Variants in SLCO2A1 observed in about 807,000 individuals in gnomAD.
SLCO2A1 encodes the protein matrin F/G 1.
SLCO2A1 carries 60 observed loss-of-function variants against 71.7 expected under a neutral mutation model. The observed-to-expected ratio is 0.84, with a 90% CI of 0.68 to 1.04. The LOEUF is 1.04. Among genes scored for constraint, SLCO2A1 ranks in the 50% least tolerant of loss-of-function variants. The pLI, the probability that SLCO2A1 is intolerant of heterozygous loss-of-function variation, is 0.00. For missense variants in SLCO2A1, 745 were observed against 813.4 expected (o/e 0.92, Z 1.02); for synonymous variants, 308 against 326.7 (o/e 0.94, Z 0.62).
chr3:133,999,207 A>G (rs1315267208), intron 1 of SLCO2A1, among the ~76,000 whole-genome samples: 2 of 152,186 alleles, frequency 1.3e-5, no homozygotes, highest in Non-Finnish European at 2.9e-5. Context: ...TGAAGATCGC[A>G]GTTCAAAACA....
At chr3:134,008,091 A>AG (rs1266386400) in intron 1 of SLCO2A1, among the ~76,000 whole-genome samples, 2 of 152,186 alleles carry the variant, frequency 1.3e-5, no homozygotes, top group African/African-American at 4.8e-5. Flanking sequence ...ACCTTGTCTG[A>AG]TTCACAGTCG....
chr3:134,029,057 C>T (rs998319395), intron 1 of SLCO2A1, among the ~76,000 whole-genome samples: 6 of 152,176 alleles, frequency 3.9e-5, no homozygotes, highest in Non-Finnish European at 7.3e-5. Flanking sequence ...ATTTCCAGAC[C>T]AGGGAAGCCA....
At chr3:133,955,295 A>T (rs1933859876) in intron 3 of SLCO2A1, 102 bp from the exon 4 acceptor site, 2 of 976,054 alleles carry the variant, frequency 2.0e-6, no homozygotes, top group Non-Finnish European at 1.5e-6. Context: ...GGGAAGGACC[A>T]ACTTTGGCCA....
At chr3:134,016,255 C>G (rs766993765) in intron 1 of SLCO2A1, among the ~76,000 whole-genome samples, 4 of 151,792 alleles carry the variant, frequency 2.6e-5, no homozygotes, top group Non-Finnish European at 4.4e-5. Flanking sequence ...AAGCTATAGT[C>G]TAGAAGAAAA....
chr3:134,029,914 G>C lies in SLCO2A1; in HGVS notation c.-112C>G. 2.0e-6 allele frequency: 1 copy of C among 494,724 alleles called. No individual in the cohort carries two copies. The highest frequency in any genetic ancestry group is 3.1e-6 in the Non-Finnish European group (1 of 318,508). 30.6% of individuals were successfully genotyped at this position (494,724 alleles called of 1,614,324 possible). ...GCGGCAGTGGCCGGAGGAGATTCGC[G>C]GAGCGGAGACTGAGCCAGCGAGTGC... is the stretch of plus-strand genomic sequence containing the variant. On this transcript the variant is annotated 5_prime_UTR_variant, in exon 1 of 14. Transcript: ENST00000310926.
chr3:133,971,765 C>A (rs1395543506), intron 3 of SLCO2A1, among the ~76,000 whole-genome samples: 1 of 152,314 alleles, frequency 6.6e-6, no homozygotes, highest in Non-Finnish European at 1.5e-5. Context: ...AGGCCTCTCA[C>A]AAATGTCTAT....
intron 3 of SLCO2A1, among the ~76,000 whole-genome samples, chr3:133,971,776 C>G (rs549034973): frequency 5.3e-4 from 81 of 152,192 alleles, no homozygotes; most frequent in Non-Finnish European, 1.1e-3. Context: ...AAATGTCTAT[C>G]ACAAAACCAC....
At chr3:133,948,819 G>C in intron 7 of SLCO2A1, 74 bp downstream of exon 7, 2 of 1,590,252 alleles carry the variant, frequency 1.3e-6, no homozygotes, top group South Asian at 2.2e-5. Context: ...AACACCACAG[G>C]GGCTGGGGTC....
intron 1 of SLCO2A1, among the ~76,000 whole-genome samples, chr3:133,986,860 C>CT (rs1009757766): frequency 6.6e-5 from 10 of 152,096 alleles, no homozygotes; most frequent in Non-Finnish European, 7.4e-5. Flanking sequence ...CTAGACATGG[C>CT]TTTTTTTGAT....
intron 9 of SLCO2A1, 26 bp downstream of exon 9, chr3:133,947,230 A>T: frequency 2.5e-6 from 4 of 1,591,668 alleles, no homozygotes; most frequent in Non-Finnish European, 3.4e-6. Flanking sequence ...ATTAAAGGGG[A>T]TCTCTCTACC....
intron 1 of SLCO2A1, among the ~76,000 whole-genome samples, chr3:134,013,770 T>C (rs143797812): frequency 2.2e-4 from 33 of 152,328 alleles, no homozygotes; most frequent in Admixed American, 9.1e-4. Context: ...AAATATGACA[T>C]ATTATTTGGA....
intron 1 of SLCO2A1, among the ~76,000 whole-genome samples, chr3:133,989,621 A>G (rs1347153832): frequency 6.6e-6 from 1 of 152,250 alleles, no homozygotes; most frequent in Non-Finnish European, 1.5e-5. Context: ...TGTGTTTAAA[A>G]TATCAAGTAG....
At chr3:133,957,532 T>C (rs1427875881) in intron 3 of SLCO2A1, among the ~76,000 whole-genome samples, 2 of 152,172 alleles carry the variant, frequency 1.3e-5, no homozygotes, top group South Asian at 2.1e-4. Context: ...TCAAGTCTGA[T>C]GGCAGCTTGA....
chr3:133,953,239 G>A (rs1202216510), intron 5 of SLCO2A1, among the ~76,000 whole-genome samples: 3 of 152,054 alleles, frequency 2.0e-5, no homozygotes, highest in Non-Finnish European at 2.9e-5. Flanking sequence ...GGGTTTCACC[G>A]TGTTAGCCAG....
At chr3:133,937,525 G>A (rs1933298274) in intron 12 of SLCO2A1, among the ~76,000 whole-genome samples, 1 of 152,160 alleles carries the variant, frequency 6.6e-6, no homozygotes, top group Admixed American at 6.5e-5. Context: ...TCAAAATGGG[G>A]ATGGAAGCCA....
chr3:133,979,624 G>A lies in SLCO2A1; in HGVS notation c.97-6C>T, dbSNP rs768349709. The A allele has an allele frequency of 6.2e-7, 1 of 1,605,052 alleles. No homozygotes were observed. The highest frequency in any genetic ancestry group is 2.2e-5 in the East Asian group (1 of 44,656). ...CCTTGGCAGAGCACAAACACCTGGG[G>A]GAAGAGTGATGGGCCCGTGAGGTTT... On this transcript the variant is annotated splice_region_variant and splice_polypyrimidine_tract_variant and intron_variant, in intron 1 of 13. Transcript: ENST00000310926.
intron 3 of SLCO2A1, among the ~76,000 whole-genome samples, chr3:133,957,096 A>G (rs1331185363): frequency 1.3e-5 from 2 of 152,312 alleles, no homozygotes; most frequent in Non-Finnish European, 2.9e-5. Context: ...TTTCTGCTCT[A>G]GGCTCTAGGC....
At chr3:134,018,780 A>C (rs1935512864) in intron 1 of SLCO2A1, among the ~76,000 whole-genome samples, 1 of 142,854 alleles carries the variant, frequency 7.0e-6, no homozygotes, top group African/African-American at 2.6e-5. Flanking sequence ...CCTCAGGATT[A>C]CTAAATGAAC....
At chr3:133,940,194 C>T (rs1358040185) in intron 11 of SLCO2A1, among the ~76,000 whole-genome samples, 1 of 152,194 alleles carries the variant, frequency 6.6e-6, no homozygotes, top group Non-Finnish European at 1.5e-5. Flanking sequence ...TCTTGAACGC[C>T]TGACCTCAGG....
Sources: gnomAD v4.1 joint callset for allele counts (sites outside exome capture counted in the v4.1 genomes callset) on GRCh38, gnomAD v4.1.1 for gene constraint, MANE v1.5 for transcripts, NCBI Gene and HGNC (gene_info 2026-07-23, HGNC 2026-07-21) for gene names.